The following MSN variants were observed in gnomAD, a reference collection of about 807,000 sequenced individuals.
The protein encoded by MSN is epididymis luminal protein 70.
MSN carries 2 observed loss-of-function variants against 48.0 expected under a neutral mutation model. The ratio of observed to expected loss-of-function variants is 0.04; its 90% CI spans 0.02 to 0.13. The LOEUF (loss-of-function observed/expected upper bound fraction) is 0.13. Ranked by LOEUF, MSN falls within the 10% of genes least tolerant of loss-of-function variation. The probability of loss-of-function intolerance (pLI) is 1.00; values close to 1 mark genes in which losing one functional copy is unlikely to be tolerated. For missense variants in MSN, 267 were observed against 470.1 expected (o/e 0.57, Z 3.99); for synonymous variants, 146 against 166.9 (o/e 0.87, Z 0.97).
rs754602575 is a variant in MSN, at chrX:65,631,095, CT to C, written c.-22+42497del. 9.2e-3 allele frequency among the ~76,000 whole-genome samples: 915 copies of C among 99,991 alleles called. 7 individuals carry two copies. Among genetic ancestry groups the C allele is most frequent in the African/African-American group, 0.025 (705 of 27,743 alleles). 86.8% of individuals were successfully genotyped at this position (99,991 alleles called of 115,157 possible). The stretch of plus-strand genomic sequence containing the variant: ...TCCCATCTACCTCTATATCCTGCTT[CT>C]TTTTTTTTTTTTTGTCTGAGACAGA... On this transcript the variant is annotated intron_variant, in intron 1 of 3. Coordinates refer to the MSN transcript ENST00000609672.
chrX:65,729,836 G>A, intron 4 of MSN, 124 bp downstream of exon 4: 1 of 721,835 alleles, frequency 1.4e-6, no homozygotes, highest in Non-Finnish European at 2.0e-6. Flanking sequence ...TGAAGACTGT[G>A]TTATGCTGCT....
chrX:65,649,630 C>T (rs758708058), intron 1 of MSN, among the ~76,000 whole-genome samples: 13 of 100,806 alleles, frequency 1.3e-4, no homozygotes, highest in Non-Finnish European at 1.6e-4. Context: ...TGTGTATGCG[C>T]GTGTGTATAT....
chrX:65,698,229 C>A (rs1348584027), intron 1 of MSN, among the ~76,000 whole-genome samples: 2 of 111,825 alleles, frequency 1.8e-5, no homozygotes, highest in East Asian at 5.6e-4. Flanking sequence ...ACACCCCACC[C>A]TCGCACATGG....
intron 1 of MSN, among the ~76,000 whole-genome samples, chrX:65,636,863 C>A (rs1333478665): frequency 1.0e-5 from 1 of 98,992 alleles, no homozygotes; most frequent in Non-Finnish European, 2.0e-5. Context: ...AGGCGGATCA[C>A]GAGGTCAGGA....
At chrX:65,654,309 G>T (rs1419737911) in intron 1 of MSN, among the ~76,000 whole-genome samples, 3 of 106,674 alleles carry the variant, frequency 2.8e-5, no homozygotes, top group Non-Finnish European at 5.8e-5. Context: ...TTTTAGTAGA[G>T]ACAGGGTTTC....
At chrX:65,643,713 G>C (rs2070675292) in intron 1 of MSN, among the ~76,000 whole-genome samples, 1 of 111,512 alleles carries the variant, frequency 9.0e-6, no homozygotes, top group African/African-American at 3.3e-5. Flanking sequence ...TAGTTTGAGG[G>C]AGAAGAAAAA....
At chrX:65,610,671 G>T (rs751354567) in intron 1 of MSN, among the ~76,000 whole-genome samples, 1 of 111,861 alleles carries the variant, frequency 8.9e-6, no homozygotes, top group East Asian at 2.8e-4. Flanking sequence ...ACTTTTTGAG[G>T]AACTGCCAAA....
intron 1 of MSN, among the ~76,000 whole-genome samples, chrX:65,626,047 C>T (rs1458690205): frequency 4.7e-5 from 5 of 107,260 alleles, no homozygotes; most frequent in African/African-American, 1.0e-4. Flanking sequence ...CTCTGCCTCC[C>T]GGGTTCACAC....
intron 1 of MSN, among the ~76,000 whole-genome samples, chrX:65,657,003 G>A (rs1301589424): frequency 8.9e-6 from 1 of 112,078 alleles, no homozygotes; most frequent in Non-Finnish European, 1.9e-5. Flanking sequence ...CCATGTGGAG[G>A]CTGGCCTGGA....
At chrX:65,666,129 C>T (rs2070866727), upstream of MSN, among the ~76,000 whole-genome samples, 1 of 110,635 alleles carries the variant, frequency 9.0e-6, no homozygotes, top group South Asian at 3.8e-4. Context: ...CTGCCTCATC[C>T]TCCCGAGTGC....
intron 1 of MSN, among the ~76,000 whole-genome samples, chrX:65,623,365 T>C (rs1217070746): frequency 1.1e-5 from 1 of 93,324 alleles, no homozygotes; most frequent in African/African-American, 6.9e-5. Context: ...TTTTCTTTCT[T>C]TTCTTTTTTT....
At chrX:65,611,944 T>C (rs1246919486) in intron 1 of MSN, among the ~76,000 whole-genome samples, 1 of 112,188 alleles carries the variant, frequency 8.9e-6, no homozygotes, top group Non-Finnish European at 1.9e-5. Context: ...TGTTTTGCAT[T>C]TTCCTAATGA....
In MSN at chrX:65,661,537, A is replaced by G. The variant is rs1456030542; in HGVS notation, c.-21-55281A>G. ...CTAGTATTTTGTTAAGGACTTTTGCATCTATGCTCATTAGGGATATTGGCC... is the reference window on the plus strand; with the variant it reads ...CTAGTATTTTGTTAAGGACTTTTGCGTCTATGCTCATTAGGGATATTGGCC... On this transcript the variant is annotated intron_variant, in intron 1 of 3. Coordinates refer to the MSN transcript ENST00000609672. 5.3e-5 allele frequency among the ~76,000 whole-genome samples: 6 copies of G among 112,182 alleles called. No homozygotes were observed. In the East Asian group the frequency reaches 1.4e-3, roughly 26 times the overall value.
intron 2 of MSN, among the ~76,000 whole-genome samples, chrX:65,719,926 G>T (rs767608192): frequency 2.4e-4 from 27 of 111,604 alleles, no homozygotes; most frequent in Non-Finnish European, 2.1e-4. Context: ...GTAGTTTTTT[G>T]TTAGTGTTGG....
intron 1 of MSN, among the ~76,000 whole-genome samples, chrX:65,646,710 C>T (rs892703209): frequency 8.9e-6 from 1 of 112,029 alleles, no homozygotes; most frequent in African/African-American, 3.2e-5. Context: ...CTTTGGGAGG[C>T]CAAGGCGGGC....
chrX:65,739,777 G>A lies in MSN; in HGVS notation c.1618G>A (p.Ala540Thr). 8.3e-7 allele frequency: 1 copy of A among 1,211,234 alleles called. No homozygotes were observed. Among genetic ancestry groups the A allele is most frequent in the Non-Finnish European group, 1.1e-6 (1 of 895,196 alleles). Residue 540 changes from alanine (A) to threonine (T), a missense_variant, in exon 13 of 13, where the codon GCC becomes ACC. By Grantham distance (58) the Ala-to-Thr change is moderately conservative. Transcript: ENST00000360270. ...ANARDESKKT[A>T]NDMIHAENMR... Reference sequence around the variant, plus strand: ...TGCCAGAGATGAGTCCAAGAAGACTGCCAATGACATGATCCATGCTGAGAA... The same window carrying A: ...TGCCAGAGATGAGTCCAAGAAGACTACCAATGACATGATCCATGCTGAGAA...
chrX:65,617,507 G>C (rs1185335739), intron 1 of MSN, among the ~76,000 whole-genome samples: 2 of 106,906 alleles, frequency 1.9e-5, no homozygotes, highest in East Asian at 5.6e-4. Context: ...GGTGTTTGTA[G>C]TATTCCCTGA....
chrX:65,707,712 G>A (rs921207043), intron 1 of MSN, among the ~76,000 whole-genome samples: 14 of 112,399 alleles, frequency 1.2e-4, no homozygotes, highest in African/African-American at 4.2e-4. Flanking sequence ...GTCTAGGCCC[G>A]AAAAGAAGAC....
chrX:65,707,536 C>G (rs1384307135), intron 1 of MSN, among the ~76,000 whole-genome samples: 1 of 112,193 alleles, frequency 8.9e-6, no homozygotes, highest in Non-Finnish European at 1.9e-5. Flanking sequence ...ATAAACAGTT[C>G]TCTTCTGGGG....
Sources: gnomAD v4.1 joint callset for allele counts (sites outside exome capture counted in the v4.1 genomes callset) on GRCh38, gnomAD v4.1.1 for gene constraint, MANE v1.5 for transcripts, NCBI Gene and HGNC (gene_info 2026-07-23, HGNC 2026-07-21) for gene names.